GLIS3: variants seen among roughly 807,000 people sequenced by gnomAD.
The protein encoded by GLIS3 is GLIS family zinc finger 3.
In GLIS3, 53 loss-of-function variants were observed where a neutral mutation model predicts 78.6. The ratio of observed to expected loss-of-function variants is 0.67; its 90% confidence interval spans 0.54 to 0.85. The LOEUF is 0.85. Ranked by LOEUF, GLIS3 falls within the 40% of genes least tolerant of loss-of-function variation. GLIS3 has a pLI of 0.00. For missense variants in GLIS3, 1,703 were observed against 1,231.1 expected (o/e 1.38, Z -5.74); for synonymous variants, 684 against 509.9 (o/e 1.34, Z -4.60).
chr9:4,430,560 G>A, the GLIS3 span, among the ~76,000 whole-genome samples: 1 of 152,166 alleles, frequency 6.6e-6, no homozygotes, highest in Admixed American at 6.5e-5. Context: ...AAACTGAGAA[G>A]CTAAGATCAG....
the GLIS3 span, among the ~76,000 whole-genome samples, chr9:4,358,083 G>A: frequency 1.3e-4 from 20 of 152,250 alleles, no homozygotes; most frequent in African/African-American, 3.9e-4. Context: ...GCAGAACAGT[G>A]TGTACAGTAT....
At chr9:4,041,885 A>T (rs1461461933) in intron 4 of GLIS3, among the ~76,000 whole-genome samples, 1 of 152,094 alleles carries the variant, frequency 6.6e-6, no homozygotes, top group African/African-American at 2.4e-5. Flanking sequence ...TGCTTCTGTA[A>T]CCTATATCCA....
At chr9:4,086,941 C>G (rs1829082093) in intron 4 of GLIS3, among the ~76,000 whole-genome samples, 1 of 152,194 alleles carries the variant, frequency 6.6e-6, no homozygotes, top group Non-Finnish European at 1.5e-5. Flanking sequence ...GGACCTTGAA[C>G]CCGTAGACGG....
chr9:4,470,675 T>C, the GLIS3 span, among the ~76,000 whole-genome samples: 42 of 151,992 alleles, frequency 2.8e-4, no homozygotes, highest in Middle Eastern at 0.017. Flanking sequence ...CTGGAAGCAT[T>C]CCCTTTGAAA....
intron 2 of GLIS3, among the ~76,000 whole-genome samples, chr9:4,139,646 G>A (rs1833658701): frequency 6.6e-6 from 1 of 152,130 alleles, no homozygotes; most frequent in Non-Finnish European, 1.5e-5. Context: ...CATGGTTCGT[G>A]GTTTCATGGA....
intron 4 of GLIS3, among the ~76,000 whole-genome samples, chr9:4,105,437 C>T (rs1021140127): frequency 1.3e-5 from 2 of 152,124 alleles, no homozygotes; most frequent in Admixed American, 1.3e-4. Flanking sequence ...TCCTTTTTGG[C>T]AACCCCTATT....
intron 4 of GLIS3, among the ~76,000 whole-genome samples, chr9:4,063,198 G>A (rs1040897573): frequency 6.6e-6 from 1 of 152,112 alleles, no homozygotes; most frequent in Admixed American, 6.6e-5. Context: ...CAAAATGTAT[G>A]AGATGTGTCC....
chr9:4,375,225 C>A, the GLIS3 span, among the ~76,000 whole-genome samples: 9 of 152,250 alleles, frequency 5.9e-5, no homozygotes, highest in East Asian at 1.9e-4. Context: ...AGGGGAGTTA[C>A]AATCAAGTCT....
the GLIS3 span, among the ~76,000 whole-genome samples, chr9:4,430,264 C>G: frequency 0.011 from 1,648 of 152,256 alleles, 32 homozygotes; most frequent in African/African-American, 0.037. Context: ...GAATATGGGT[C>G]CAGTATTTTT....
chr9:3,874,575 G>A (rs1413509347), intron 8 of GLIS3, among the ~76,000 whole-genome samples: 1 of 152,148 alleles, frequency 6.6e-6, no homozygotes, highest in Non-Finnish European at 1.5e-5. Flanking sequence ...CTTGCAACTG[G>A]CATCAGAAGT....
chr9:4,197,303 T>G (rs188092811), intron 2 of GLIS3, among the ~76,000 whole-genome samples: 1 of 152,080 alleles, frequency 6.6e-6, no homozygotes, highest in Non-Finnish European at 1.5e-5. Flanking sequence ...CTCCAGACAT[T>G]TGGAGCACCC....
At position 4,271,207 on chromosome 9, in the gene GLIS3, CAGT is replaced by C. The variant is rs1341055731; in HGVS notation, c.388+14828_388+14830del. On this transcript the variant is annotated intron_variant, in intron 2 of 10. Transcript: ENST00000381971. ...GGGGCAGGAAGTAACTTCTGTTTCT[CAGT>C]AGCATTTTCTTTTCTCTGGCTTACT... is the stretch of plus-strand genomic sequence containing the variant. 3.3e-5 allele frequency among the ~76,000 whole-genome samples: 5 copies of C among 152,246 alleles called. No individual in the cohort carries two copies. The East Asian group carries it at 9.6e-4, about 29-fold the overall frequency.
intron 2 of GLIS3, among the ~76,000 whole-genome samples, chr9:4,217,090 G>A (rs1341629584): frequency 6.6e-6 from 1 of 152,126 alleles, no homozygotes; most frequent in Non-Finnish European, 1.5e-5. Context: ...CCCCTTCTGT[G>A]ATTTCTCCCA....
At chr9:4,232,382 T>TAAAAAAAAAAAAAAAAAAA (rs56725850) in intron 2 of GLIS3, among the ~76,000 whole-genome samples, 1 of 101,668 alleles carries the variant, frequency 9.8e-6, no homozygotes. Flanking sequence ...CCTTGTCTCT[T>TAAAAAAAAAAAAAAAAAAA]AAAAAAAAAA....
chr9:3,926,521 C>T (rs566216285), intron 6 of GLIS3, among the ~76,000 whole-genome samples: 1 of 150,668 alleles, frequency 6.6e-6, no homozygotes, highest in South Asian at 2.1e-4. Flanking sequence ...TGAGCCACCG[C>T]ACGCGGCCTG....
At chr9:3,939,054 G>T (rs1009906309) in intron 4 of GLIS3, among the ~76,000 whole-genome samples, 1 of 152,178 alleles carries the variant, frequency 6.6e-6, no homozygotes, top group Non-Finnish European at 1.5e-5. Flanking sequence ...TGTGGTTTTA[G>T]ACACGCCAAG....
At chr9:4,333,708 C>G (rs1817715790) in intron 2 of GLIS3, among the ~76,000 whole-genome samples, 1 of 151,944 alleles carries the variant, frequency 6.6e-6, no homozygotes, top group African/African-American at 2.4e-5. Context: ...AAGGGTGGCT[C>G]TAGACGTAAT....
chr9:3,885,918 G>A (rs1179821645), intron 7 of GLIS3, among the ~76,000 whole-genome samples: 1 of 152,194 alleles, frequency 6.6e-6, no homozygotes, highest in African/African-American at 2.4e-5. Context: ...ATAGCAATGT[G>A]TCTAGGCAAA....
chr9:4,288,935 A>G (rs563060661), intron 1 of GLIS3, among the ~76,000 whole-genome samples: 2 of 152,340 alleles, frequency 1.3e-5, no homozygotes, highest in South Asian at 4.1e-4. Context: ...AATTACGCCA[A>G]CAGATTTCTC....
Sources: gnomAD v4.1 joint callset for allele counts (sites outside exome capture counted in the v4.1 genomes callset) on GRCh38, gnomAD v4.1.1 for gene constraint, MANE v1.5 for transcripts, NCBI Gene and HGNC (gene_info 2026-07-23, HGNC 2026-07-21) for gene names.